Variants in TP53BP1 observed in about 807,000 individuals in gnomAD.
The protein encoded by TP53BP1 is tumor protein p53 binding protein 1, also known as TP53-binding protein 1.
TP53BP1 carries 61 observed loss-of-function variants against 200.8 expected under a neutral mutation model. The ratio of observed to expected loss-of-function variants is 0.30; its 90% CI spans 0.25 to 0.38. The LOEUF is 0.38. Ranked by LOEUF, TP53BP1 falls within the 10% of genes least tolerant of loss-of-function variation. The probability of loss-of-function intolerance (pLI) is 1.00; values close to 1 mark genes in which losing one functional copy is unlikely to be tolerated. For synonymous variants in TP53BP1, 822 were observed against 844.3 expected, an observed-to-expected ratio of 0.97 and a Z score of 0.46; for missense variants, 2,144 against 2,371.9, an observed-to-expected ratio of 0.90 and a Z score of 2.00.
At chr15:43,443,443 A>G (rs1226277388) in intron 14 of TP53BP1, among the ~76,000 whole-genome samples, 1 of 152,260 alleles carries the variant, frequency 6.6e-6, no homozygotes, top group South Asian at 2.1e-4. Context: ...TGTAATCCCA[A>G]TACTTTGAGA....
intron 10 of TP53BP1, among the ~76,000 whole-genome samples, chr15:43,472,295 C>T (rs750914847): frequency 6.6e-6 from 1 of 152,158 alleles, no homozygotes; most frequent in African/African-American, 2.4e-5. Flanking sequence ...CAATGCCTTG[C>T]CTATACTAAG....
In TP53BP1 at chr15:43,431,177, G is replaced by C. The variant is rs45515692; in HGVS notation, c.3675+1017C>G. The stretch of plus-strand genomic sequence containing the variant: ...GCACTTTATCACATTACTCAGAACA[G>C]CACAGTATTTAAACCTTAGTATTTC... On this transcript the variant is annotated intron_variant, in intron 17 of 27. Transcript: ENST00000382044. Among the ~76,000 whole-genome samples the C allele has an allele frequency of 4.5e-3, 679 of 152,186 alleles. 24 individuals are homozygous for C. The East Asian group carries it at 0.097, about 22-fold the overall frequency.
chr15:43,432,672 T>G lies in TP53BP1; in HGVS notation c.3197A>C (p.Asn1066Thr). The change falls in exon 17 of 28, where the codon AAC becomes ACC. Residue 1066 changes from asparagine to threonine, a missense_variant. By Grantham distance (65) the Asn-to-Thr change is moderately conservative (BLOSUM62 0). This residue lies in a region of TP53BP1 where 1,700 missense variants were observed against 1,710.3 expected (regional missense o/e 0.99). Transcript: ENST00000382044. ...TTGAGAACTTGGAAAGTGGAGCAAG[T>G]TCCCCCTGAAAATGCAACATATAAA... ...EDPPTTPIRGNLLHFPSSQGE... is the reference protein window; with the variant it reads ...EDPPTTPIRGTLLHFPSSQGE... 1 of 1,600,294 alleles carries G rather than the reference T, an allele frequency of 6.2e-7. No homozygotes were observed. Among genetic ancestry groups the G allele is most frequent in the Non-Finnish European group, 8.5e-7 (1 of 1,172,166 alleles).
chr15:43,466,639 T>C (rs927936694), intron 11 of TP53BP1, among the ~76,000 whole-genome samples: 1 of 152,176 alleles, frequency 6.6e-6, no homozygotes, highest in Non-Finnish European at 1.5e-5. Flanking sequence ...GGAGGTCTGC[T>C]TGAGCCCAGT....
chr15:43,492,570 G>C, intron 1 of TP53BP1, 102 bp from the exon 2 acceptor site: 1 of 915,804 alleles, frequency 1.1e-6, no homozygotes, highest in South Asian at 1.6e-5. Flanking sequence ...CTGGGAAACG[G>C]GACCACTTCA....
chr15:43,499,984 G>A (rs576162422), intron 1 of TP53BP1, among the ~76,000 whole-genome samples: 3 of 152,226 alleles, frequency 2.0e-5, no homozygotes, highest in East Asian at 3.9e-4. Context: ...AATACTTCTT[G>A]AGCACTTACT....
chr15:43,407,608 C>A, intron 27 of TP53BP1, 38 bp from the exon 28 acceptor site: 1 of 1,569,860 alleles, frequency 6.4e-7, no homozygotes. Context: ...GGAAAGGACA[C>A]TCAACTTAGC....
intron 26 of TP53BP1, chr15:43,408,656 CTT>C (rs2045007997): frequency 1.0e-5 from 5 of 500,218 alleles, no homozygotes; most frequent in African/African-American, 1.9e-5. Flanking sequence ...AGTTCTCTGA[CTT>C]TACAGGTTGA....
chr15:43,448,162 A>AT (rs35498925), intron 12 of TP53BP1, among the ~76,000 whole-genome samples: 1 of 152,190 alleles, frequency 6.6e-6, no homozygotes, highest in African/African-American at 2.4e-5. Context: ...CAGTGTACAC[A>AT]TTTTAGTTAT....
chr15:43,415,955 AT>A (rs1484171000), intron 22 of TP53BP1, 146 bp from the exon 23 acceptor site: 2 of 741,766 alleles, frequency 2.7e-6, no homozygotes, highest in Non-Finnish European at 4.4e-6. Context: ...TTAAGGCCAT[AT>A]TTTTTATCTA....
At chr15:43,484,664 C>T (rs1566964001) in intron 4 of TP53BP1, among the ~76,000 whole-genome samples, 1 of 152,170 alleles carries the variant, frequency 6.6e-6, no homozygotes, top group Admixed American at 6.5e-5. Context: ...ATTCCAGGGA[C>T]GCTCATGCCT....
chr15:43,406,020 A>G lies in TP53BP1; in HGVS notation c.*1363T>C, dbSNP rs1306351572. Reference sequence around the variant, plus strand: ...GTGCCATTGCATTCCAGCCCGGGCAACAAGAGCGAAATTCCGTCTCAAAAA... The same window carrying G: ...GTGCCATTGCATTCCAGCCCGGGCAGCAAGAGCGAAATTCCGTCTCAAAAA... On this transcript the variant is annotated 3_prime_UTR_variant, in exon 28 of 28. Transcript: ENST00000382044. 6.9e-6 allele frequency: 1 copy of G among 144,888 alleles called. No individual in the cohort carries two copies. The highest frequency in any genetic ancestry group is 2.0e-4 in the East Asian group (1 of 5,066). 9.0% of individuals were successfully genotyped at this position (144,888 alleles called of 1,614,324 possible).
At chr15:43,504,211 AC>A (rs2079224709) in intron 1 of TP53BP1, among the ~76,000 whole-genome samples, 1 of 152,194 alleles carries the variant, frequency 6.6e-6, no homozygotes, top group African/African-American at 2.4e-5. Flanking sequence ...TGGCACGATC[AC>A]AGCTCACTGC....
chr15:43,468,391 T>G (rs2046640293), intron 11 of TP53BP1, among the ~76,000 whole-genome samples: 1 of 151,600 alleles, frequency 6.6e-6, no homozygotes, highest in Admixed American at 6.6e-5. Context: ...TAAGAAAAAT[T>G]AAGAAATTAG....
At position 43,490,587 on chromosome 15, in the gene TP53BP1, T is replaced by A. The variant is rs12898231; in HGVS notation, c.371+1082A>T. Among the ~76,000 whole-genome samples, 71 of 152,268 alleles carry A rather than the reference T, an allele frequency of 4.7e-4. No homozygotes were observed. The East Asian group carries it at 0.013, about 28-fold the overall frequency. Reference sequence around the variant, plus strand: ...ACCATCTCAAGCTAACATTCTCCTCTCTAACCACCTCCCCTTTCTACCACC... The same window carrying A: ...ACCATCTCAAGCTAACATTCTCCTCACTAACCACCTCCCCTTTCTACCACC... On this transcript the variant is annotated intron_variant, in intron 4 of 27. Transcript: ENST00000382044.
chr15:43,449,025 G>A (rs62020575), intron 12 of TP53BP1, among the ~76,000 whole-genome samples: 25,609 of 143,588 alleles, frequency 0.18, 2,334 homozygotes, highest in Middle Eastern at 0.28. Flanking sequence ...TACTCAGGAG[G>A]CTGAGGCAGG....
chr15:43,480,868 A>AT, intron 5 of TP53BP1, 27 bp downstream of exon 5: 1 of 1,613,460 alleles, frequency 6.2e-7, no homozygotes, highest in Non-Finnish European at 8.5e-7. Flanking sequence ...AGAACAGTCT[A>AT]TTATTCTGAA....
rs1433778324 is a variant in TP53BP1, at chr15:43,492,319, G to A, written c.157C>T (p.Pro53Ser). 3 of 1,614,136 alleles carry A rather than the reference G, an allele frequency of 1.9e-6. No homozygotes were observed. The highest frequency in any genetic ancestry group is 4.5e-5 in the East Asian group (2 of 44,882). ...TTTTCTTTGTGCGTCTGGAGATTAG[G>A]AAGGTGTCGAGATAGCATACTGAAG... ...SHFSMLSRHLPNLQTHKENPV... is the reference protein window; with the variant it reads ...SHFSMLSRHLSNLQTHKENPV... Residue 53 changes from proline (P) to serine (S), a missense_variant, in exon 2 of 28, where the codon CCT becomes TCT. This residue lies in a region of TP53BP1 where 1,700 missense variants were observed against 1,710.3 expected (regional missense o/e 0.99). Transcript: ENST00000382044.
At chr15:43,498,241 A>G (rs1651957873) in intron 1 of TP53BP1, among the ~76,000 whole-genome samples, 1 of 152,248 alleles carries the variant, frequency 6.6e-6, no homozygotes, top group Non-Finnish European at 1.5e-5. Flanking sequence ...GAGGGTATAT[A>G]CATGATCTCA....
Sources: gnomAD v4.1 joint callset for allele counts (sites outside exome capture counted in the v4.1 genomes callset) on GRCh38, gnomAD v4.1.1 for gene constraint, gnomAD v4.1.1 regional missense constraint, MANE v1.5 for transcripts, NCBI Gene and HGNC (gene_info 2026-07-23, HGNC 2026-07-21) for gene names.